The following RAD51B variants were observed in gnomAD, a reference collection of about 807,000 sequenced individuals.
The protein encoded by RAD51B is DNA repair protein RAD51 homolog 2.
In RAD51B, 38 loss-of-function variants were observed where a neutral mutation model predicts 42.2. The observed-to-expected ratio is 0.90, with a 90% CI of 0.70 to 1.18. The LOEUF is 1.18. RAD51B is among the 50% of genes most tolerant of loss of function. RAD51B has a pLI of 0.00. For synonymous variants in RAD51B, 154 were observed against 145.2 expected (o/e 1.06, Z -0.43); for missense variants, 373 against 400.7 (o/e 0.93, Z 0.59).
At chr14:68,065,675 CT>C (rs1214511379) in intron 7 of RAD51B, among the ~76,000 whole-genome samples, 1 of 152,000 alleles carries the variant, frequency 6.6e-6, no homozygotes, top group Non-Finnish European at 1.5e-5. Flanking sequence ...CAAAGGTGTT[CT>C]TGTGGATTTA....
chr14:68,035,220 A>G (rs1206225353), intron 7 of RAD51B, among the ~76,000 whole-genome samples: 2 of 152,194 alleles, frequency 1.3e-5, no homozygotes, highest in Non-Finnish European at 2.9e-5. Context: ...CTTTTTAAAA[A>G]TAACTTAAGA....
At chr14:68,033,014 C>T (rs916264521) in intron 7 of RAD51B, among the ~76,000 whole-genome samples, 3 of 152,142 alleles carry the variant, frequency 2.0e-5, no homozygotes, top group Non-Finnish European at 2.9e-5. Flanking sequence ...GAGTGACCTT[C>T]GCTTAGGCTA....
chr14:68,370,653 G>A lies in RAD51B; in HGVS notation c.854-40771G>A, dbSNP rs916484199. Among the ~76,000 whole-genome samples, 4 of 152,154 alleles carry A rather than the reference G, an allele frequency of 2.6e-5. No individual in the cohort carries two copies. In the East Asian group the frequency reaches 5.8e-4, roughly 22 times the overall value. On this transcript the variant is annotated intron_variant, in intron 8 of 10. Coordinates refer to ENST00000471583, the MANE Select transcript of RAD51B (RefSeq NM_133510.4). ...AGATTATGGTGGCTCAGACTGGGGG[G>A]TGTGGTATAGGGGATGGCAAGTGGT...
rs978105148 is a variant in RAD51B, at chr14:68,333,141, T to C, written c.853+41161T>C. 6.6e-5 allele frequency among the ~76,000 whole-genome samples: 10 copies of C among 152,186 alleles called. No individual in the cohort carries two copies. In the East Asian group the frequency reaches 1.5e-3, roughly 23 times the overall value. On this transcript the variant is annotated intron_variant, in intron 8 of 10. Coordinates refer to ENST00000471583, the MANE Select transcript of RAD51B (RefSeq NM_133510.4). ...GCTACAGAGCCACTCAGCAGAGTGG[T>C]GTCCCCTTGACCCAGTTGGGGCCAT...
At chr14:68,017,685 A>AT (rs1284614542) in intron 7 of RAD51B, among the ~76,000 whole-genome samples, 1 of 151,888 alleles carries the variant, frequency 6.6e-6, no homozygotes, top group Admixed American at 6.6e-5. Context: ...TACAAAATAA[A>AT]TTTTAGGCCA....
chr14:67,829,534 G>A (rs1419174111), intron 3 of RAD51B, among the ~76,000 whole-genome samples: 1 of 151,764 alleles, frequency 6.6e-6, no homozygotes, highest in African/African-American at 2.4e-5. Context: ...GAGCCACTGT[G>A]CCCGGCCCAG....
In RAD51B at chr14:67,989,509, A is replaced by G. The variant is rs558110443; in HGVS notation, c.756+102305A>G. ...AAAAATTAGCTGGGCGTGGTGGCAC[A>G]TGCCAGTAATCCCAGCTACTCAGGA... On this transcript the variant is annotated intron_variant, in intron 7 of 10. Transcript: ENST00000471583. 2.6e-5 allele frequency among the ~76,000 whole-genome samples: 4 copies of G among 152,100 alleles called. No homozygotes were observed. The South Asian group carries it at 8.3e-4, about 32-fold the overall frequency.
At chr14:67,956,377 C>T (rs1385267992) in intron 7 of RAD51B, among the ~76,000 whole-genome samples, 1 of 152,046 alleles carries the variant, frequency 6.6e-6, no homozygotes, top group Non-Finnish European at 1.5e-5. Flanking sequence ...ATCCCAGCTT[C>T]TTGAGTGGCT....
chr14:68,483,939 C>G (rs1594899384), intron 10 of RAD51B, among the ~76,000 whole-genome samples: 1 of 152,214 alleles, frequency 6.6e-6, no homozygotes, highest in African/African-American at 2.4e-5. Context: ...GGTGAACCAA[C>G]ATGACCACCA....
intron 11 of RAD51B, among the ~76,000 whole-genome samples, chr14:68,655,674 G>A (rs12895438): frequency 0.092 from 14,017 of 152,206 alleles, 893 homozygotes; most frequent in Non-Finnish European, 0.13. Context: ...GCCCACCCGC[G>A]GGGCACTCTG....
intron 7 of RAD51B, among the ~76,000 whole-genome samples, chr14:68,166,885 CA>C (rs1339335383): frequency 6.6e-6 from 1 of 152,232 alleles, no homozygotes; most frequent in Admixed American, 6.5e-5. Context: ...GAAAAACCCT[CA>C]CCCCATTTCC....
intron 7 of RAD51B, among the ~76,000 whole-genome samples, chr14:68,252,553 AT>A (rs2080658128): frequency 6.6e-6 from 1 of 152,212 alleles, no homozygotes; most frequent in Non-Finnish European, 1.5e-5. Flanking sequence ...CATACATGGT[AT>A]TTTAATAGGG....
At chr14:68,176,626 G>A (rs191154982) in intron 7 of RAD51B, among the ~76,000 whole-genome samples, 18 of 152,178 alleles carry the variant, frequency 1.2e-4, no homozygotes, top group Admixed American at 1.2e-3. Context: ...AAGCCCTTTG[G>A]TCTCCAGAGT....
intron 11 of RAD51B, among the ~76,000 whole-genome samples, chr14:68,661,869 C>T (rs1892940710): frequency 6.6e-6 from 1 of 152,224 alleles, no homozygotes; most frequent in Admixed American, 6.5e-5. Flanking sequence ...ACCCAGTGGT[C>T]TTTGTACTCT....
intron 10 of RAD51B, among the ~76,000 whole-genome samples, chr14:68,632,654 C>A (rs1354737856): frequency 6.6e-6 from 1 of 152,228 alleles, no homozygotes; most frequent in Non-Finnish European, 1.5e-5. Flanking sequence ...ACCTAACACA[C>A]CATGCCCCTG....
At chr14:68,488,199 CTTTTTTTTTT>C (rs201866707) in intron 10 of RAD51B, among the ~76,000 whole-genome samples, 2 of 108,336 alleles carry the variant, frequency 1.8e-5, no homozygotes, top group Non-Finnish European at 3.7e-5. Context: ...TAGGGTTTGT[CTTTTTTTTTT>C]TTTTTTTTTT....
At chr14:68,452,639 T>C (rs1480069997) in intron 9 of RAD51B, among the ~76,000 whole-genome samples, 4 of 152,148 alleles carry the variant, frequency 2.6e-5, no homozygotes, top group African/African-American at 7.3e-5. Context: ...CTTTAGCCTT[T>C]AAAATGGGGC....
chr14:68,057,164 C>T (rs1490871998), intron 7 of RAD51B, among the ~76,000 whole-genome samples: 2 of 151,270 alleles, frequency 1.3e-5, no homozygotes, highest in Non-Finnish European at 2.9e-5. Flanking sequence ...ATGAATGTTC[C>T]AAATGATAGT....
intron 7 of RAD51B, among the ~76,000 whole-genome samples, chr14:67,961,616 A>G (rs2074669526): frequency 6.6e-6 from 1 of 152,206 alleles, no homozygotes; most frequent in African/African-American, 2.4e-5. Context: ...ATGTGTAGCT[A>G]TCCTGTGAGA....
Sources: allele counts gnomAD v4.1 joint callset (sites outside exome capture counted in the v4.1 genomes callset), GRCh38; gene constraint gnomAD v4.1.1; transcripts MANE v1.5; gene names NCBI Gene and HGNC (gene_info 2026-07-23, HGNC 2026-07-21).